The following PPP4R2 variants were observed in gnomAD, a reference collection of about 807,000 sequenced individuals.
PPP4R2 encodes protein phosphatase 4 regulatory subunit 2, also known as serine/threonine-protein phosphatase 4 regulatory subunit 2.
Under a neutral mutation model 47.2 loss-of-function variants are expected in PPP4R2, and 13 were observed. The ratio of observed to expected loss-of-function variants is 0.28; its 90% CI spans 0.18 to 0.44. The LOEUF (loss-of-function observed/expected upper bound fraction) is 0.44, where lower values mean the gene tolerates loss of function less well. PPP4R2 is among the 20% of genes least tolerant of loss of function. The pLI is 1.00. For synonymous variants in PPP4R2, 151 were observed against 163.3 expected, an observed-to-expected ratio of 0.92 and a Z score of 0.57; for missense variants, 421 against 491.2, an observed-to-expected ratio of 0.86 and a Z score of 1.35.
At chr3:73,053,967 A>G (rs1017457207) in intron 3 of PPP4R2, among the ~76,000 whole-genome samples, 4 of 150,854 alleles carry the variant, frequency 2.7e-5, no homozygotes, top group Non-Finnish European at 4.4e-5. Flanking sequence ...TTATATGTGT[A>G]TGAATTTTCT....
At chr3:73,062,384 G>A in intron 5 of PPP4R2, 1 of 1,607,042 alleles carries the variant, frequency 6.2e-7, no homozygotes, top group South Asian at 1.1e-5. Flanking sequence ...GGGATATTAA[G>A]GACATTAAAA....
intron 2 of PPP4R2, among the ~76,000 whole-genome samples, chr3:73,019,925 T>C (rs896075023): frequency 6.6e-6 from 1 of 152,188 alleles, no homozygotes; most frequent in Non-Finnish European, 1.5e-5. Context: ...ATATTAGGGG[T>C]ATTTTGTTAT....
intron 2 of PPP4R2, among the ~76,000 whole-genome samples, chr3:73,022,672 TATC>T (rs955252170): frequency 7.1e-4 from 108 of 152,274 alleles, no homozygotes; most frequent in African/African-American, 2.4e-3. Flanking sequence ...CGTCAATAAA[TATC>T]ATCATTATGT....
intron 6 of PPP4R2, 70 bp downstream of exon 6, chr3:73,063,817 C>CT: frequency 8.0e-7 from 1 of 1,245,596 alleles, no homozygotes; most frequent in African/African-American, 1.5e-5. Context: ...GCTTAGTGTA[C>CT]TTTTTAAAAA....
intron 5 of PPP4R2, chr3:73,062,074 G>T: frequency 1.3e-6 from 2 of 1,524,446 alleles, no homozygotes; most frequent in South Asian, 2.5e-5. Context: ...AAGTCATAGC[G>T]ACTAATAATG....
At chr3:73,053,932 CTG>C (rs1169965035) in intron 3 of PPP4R2, among the ~76,000 whole-genome samples, 1 of 140,236 alleles carries the variant, frequency 7.1e-6, no homozygotes, top group East Asian at 2.1e-4. Flanking sequence ...AAAGCGAAAT[CTG>C]TCATTTGATT....
chr3:73,030,978 A>G (rs540076735), intron 2 of PPP4R2, among the ~76,000 whole-genome samples: 4 of 152,134 alleles, frequency 2.6e-5, no homozygotes, highest in East Asian at 1.9e-4. Context: ...CTGGGGTTAC[A>G]TGTGTGAGCC....
intron 2 of PPP4R2, among the ~76,000 whole-genome samples, chr3:73,040,666 C>G (rs1183831397): frequency 2.0e-5 from 3 of 151,982 alleles, no homozygotes; most frequent in African/African-American, 7.3e-5. Flanking sequence ...GCGCTCACCA[C>G]CATGCCTGGC....
intron 7 of PPP4R2, 148 bp downstream of exon 7, chr3:73,064,294 C>T (rs1351840128): frequency 3.0e-6 from 2 of 676,026 alleles, no homozygotes; most frequent in Non-Finnish European, 4.8e-6. Flanking sequence ...CTCTTTGCAG[C>T]TGTAGCAAAT....
intron 4 of PPP4R2, among the ~76,000 whole-genome samples, chr3:73,059,920 G>GT (rs1702813609): frequency 7.2e-6 from 1 of 139,788 alleles, no homozygotes; most frequent in Admixed American, 7.3e-5. Flanking sequence ...GGGCAACAAA[G>GT]TGAGACTCTG....
intron 5 of PPP4R2, chr3:73,062,046 G>A: frequency 1.4e-6 from 2 of 1,442,104 alleles, no homozygotes; most frequent in South Asian, 1.4e-5. Flanking sequence ...TGGAAAAATG[G>A]TAAAGAAGTG....
chr3:73,004,600 G>C (rs2107207034), intron 2 of PPP4R2, among the ~76,000 whole-genome samples: 1 of 152,060 alleles, frequency 6.6e-6, no homozygotes, highest in South Asian at 2.1e-4. Context: ...ACCACACCTG[G>C]CTAATTTTTG....
chr3:73,027,600 A>G (rs956042525), intron 2 of PPP4R2, among the ~76,000 whole-genome samples: 1 of 152,034 alleles, frequency 6.6e-6, no homozygotes, highest in African/African-American at 2.4e-5. Context: ...TTGAGTGCCT[A>G]CTATTTGCCA....
chr3:73,006,683 T>G (rs1701617034), intron 2 of PPP4R2, among the ~76,000 whole-genome samples: 1 of 152,200 alleles, frequency 6.6e-6, no homozygotes. Context: ...GTTGGGTCAC[T>G]TTCAAGAGCT....
chr3:73,017,851 C>A (rs1405520690), intron 2 of PPP4R2, among the ~76,000 whole-genome samples: 4 of 151,984 alleles, frequency 2.6e-5, no homozygotes, highest in African/African-American at 9.7e-5. Flanking sequence ...CTTCAGCCTT[C>A]CGTGTAGCTG....
At chr3:73,063,389 C>T (rs936941555) in intron 5 of PPP4R2, 57 of 260,528 alleles carry the variant, frequency 2.2e-4, no homozygotes, top group African/African-American at 1.3e-3. Flanking sequence ...TTTGGGAGGC[C>T]GAGGTGGGCC....
In PPP4R2 at chr3:73,016,371, T is replaced by C. The variant is rs570776582; in HGVS notation, c.116+18213T>C. On this transcript the variant is annotated intron_variant, in intron 2 of 8. Coordinates refer to ENST00000356692, the MANE Select transcript of PPP4R2 (RefSeq NM_174907.4). ...ACAGTTTGGGGGCATGCTGCCGGCA[T>C]CTAGTGGGGTAGAGGGCAGGGATGC... 2.6e-5 allele frequency among the ~76,000 whole-genome samples: 4 copies of C among 152,294 alleles called. No homozygotes were observed. In the East Asian group the frequency reaches 7.7e-4, roughly 29 times the overall value.
intron 2 of PPP4R2, among the ~76,000 whole-genome samples, chr3:72,999,367 C>T (rs1701414183): frequency 6.6e-6 from 1 of 152,170 alleles, no homozygotes; most frequent in Non-Finnish European, 1.5e-5. Flanking sequence ...TGACCACATG[C>T]CATCTTTCAA....
At chr3:73,045,188 G>T (rs1702456735) in intron 2 of PPP4R2, among the ~76,000 whole-genome samples, 1 of 152,064 alleles carries the variant, frequency 6.6e-6, no homozygotes, top group Non-Finnish European at 1.5e-5. Context: ...TTATTTTGTA[G>T]AGACGGAGTA....
Sources: gnomAD v4.1 joint callset for allele counts (sites outside exome capture counted in the v4.1 genomes callset) on GRCh38, gnomAD v4.1.1 for gene constraint, MANE v1.5 for transcripts, NCBI Gene and HGNC (gene_info 2026-07-23, HGNC 2026-07-21) for gene names.